TBCE: variants seen among roughly 807,000 people sequenced by gnomAD.
TBCE encodes the protein tubulin-specific chaperone E.
Under a neutral mutation model 77.0 loss-of-function variants are expected in TBCE, and 53 were observed. The observed-to-expected ratio is 0.69, with a 90% CI of 0.55 to 0.87. The LOEUF is 0.87. Among genes scored for constraint, TBCE ranks in the 40% least tolerant of loss-of-function variants. The pLI is 0.00. For synonymous variants in TBCE, 235 were observed against 241.3 expected (o/e 0.97, Z 0.24); for missense variants, 624 against 622.4 (o/e 1.00, Z -0.03).
Position 235,377,801 on chromosome 1 carries a change from C to T in TBCE, c.-31-2218C>T, listed in dbSNP as rs185697214. 6.8e-4 allele frequency among the ~76,000 whole-genome samples: 103 copies of T among 151,902 alleles called. 1 individual carries two copies. The highest frequency in any genetic ancestry group is 2.3e-3 in the African/African-American group (96 of 41,430). On this transcript the variant is annotated intron_variant, in intron 1 of 16. Coordinates refer to ENST00000642610, the MANE Select transcript of TBCE (RefSeq NM_003193.5). ...TGAGTAGCTGGGATTACAGGCATCGCGCCACCACGCCTGGCTAGTTTTTGT... is the reference window on the plus strand; with the variant it reads ...TGAGTAGCTGGGATTACAGGCATCGTGCCACCACGCCTGGCTAGTTTTTGT...
At chr1:235,370,740 C>CTTGTCTT in intron 1 of TBCE, among the ~76,000 whole-genome samples, 1 of 28,626 alleles carries the variant, frequency 3.5e-5, no homozygotes, top group African/African-American at 1.2e-4. Flanking sequence ...TCCTCCTTGT[C>CTTGTCTT]TTTTCTTTTT....
intron 5 of TBCE, among the ~76,000 whole-genome samples, chr1:235,421,146 T>C (rs1263052642): frequency 6.6e-6 from 1 of 152,228 alleles, no homozygotes; most frequent in Non-Finnish European, 1.5e-5. Flanking sequence ...TGGTGGCTCA[T>C]GCTGGTAATC....
chr1:235,441,454 A>G, intron 13 of TBCE: 1 of 282,316 alleles, frequency 3.5e-6, no homozygotes. Flanking sequence ...AAACATTTGA[A>G]GTATTTGAAG....
intron 3 of TBCE, among the ~76,000 whole-genome samples, chr1:235,404,497 G>C (rs1210896323): frequency 6.6e-6 from 1 of 152,192 alleles, no homozygotes; most frequent in Admixed American, 6.6e-5. Flanking sequence ...ACTGGAAGTT[G>C]CTCTGGGTAA....
chr1:235,428,985 A>ATTTTT (rs35190136), intron 6 of TBCE: 2 of 102,334 alleles, frequency 2.0e-5, no homozygotes, highest in Non-Finnish European at 3.6e-5. Context: ...ATATATATAT[A>ATTTTT]TTTTTTTTTT....
chr1:235,396,219 C>T (rs1393407990), intron 2 of TBCE, among the ~76,000 whole-genome samples: 1 of 152,006 alleles, frequency 6.6e-6, no homozygotes, highest in South Asian at 2.1e-4. Context: ...CCACCACGCC[C>T]GGCTAATTTT....
intron 7 of TBCE, chr1:235,433,923 C>T (rs1166818963): frequency 2.0e-6 from 1 of 499,384 alleles, no homozygotes; most frequent in Non-Finnish European, 3.6e-6. Flanking sequence ...TCTCCTGTTC[C>T]ACCTCGTAGC....
chr1:235,448,502 A>T, intron 16 of TBCE, 62 bp downstream of exon 16: 1 of 1,523,468 alleles, frequency 6.6e-7, no homozygotes, highest in South Asian at 1.1e-5. Context: ...ATGACATTAA[A>T]CTGTCTCTAG....
chr1:235,381,758 G>A (rs974143929), intron 2 of TBCE, among the ~76,000 whole-genome samples: 2 of 148,662 alleles, frequency 1.3e-5, no homozygotes, highest in African/African-American at 2.5e-5. Context: ...TGTATAAAGT[G>A]CAGCAAGAAT....
Position 235,370,252 on chromosome 1 carries a change from CT to C in TBCE, c.-32+2765del, listed in dbSNP as rs534933199. 6.2e-3 allele frequency among the ~76,000 whole-genome samples: 825 copies of C among 132,816 alleles called. 2 individuals carry two copies. Among genetic ancestry groups the C allele is most frequent in the African/African-American group, 8.5e-3 (302 of 35,612 alleles). The allele number at this position is 132,816 out of a possible 152,430, so 87.1% of individuals were successfully genotyped here. On this transcript the variant is annotated intron_variant, in intron 1 of 16. Transcript: ENST00000642610. ...TTTCTGTTTTGTTTACTGCTGTATTCTTTTTTTTTTTTTTTTTCTGAGACGG... is the reference window on the plus strand; with the variant it reads ...TTTCTGTTTTGTTTACTGCTGTATTCTTTTTTTTTTTTTTTTCTGAGACGG...
In TBCE at chr1:235,437,386, C is replaced by T; in HGVS notation, c.1028C>T (p.Pro343Leu). 1 of 1,614,106 alleles carries T rather than the reference C, an allele frequency of 6.2e-7. No homozygotes were observed. Among genetic ancestry groups the T allele is most frequent in the Non-Finnish European group, 8.5e-7 (1 of 1,180,016 alleles). Residue 343 changes from proline (P) to leucine (L), a missense_variant, in exon 12 of 17, where the codon CCC (proline) becomes CTC (leucine). Pro to Leu is a moderately conservative substitution (Grantham distance 98). Transcript: ENST00000642610. Reference protein sequence around the residue: ...SLRALSCLRNPLTKEDKEAET... With the variant: ...SLRALSCLRNLLTKEDKEAET... ...CGGGCTTTGTCCTGCCTAAGAAACC[C>T]CCTGACCAAAGAGGACAAAGAAGCA...
intron 2 of TBCE, among the ~76,000 whole-genome samples, chr1:235,396,746 T>G (rs1367987921): frequency 6.6e-6 from 1 of 152,198 alleles, no homozygotes; most frequent in Admixed American, 6.6e-5. Context: ...GTTGAGCACC[T>G]TTTCATGTAC....
At chr1:235,417,692 G>A (rs184331738) in intron 4 of TBCE, among the ~76,000 whole-genome samples, 55 of 152,252 alleles carry the variant, frequency 3.6e-4, no homozygotes, top group African/African-American at 9.9e-4. Flanking sequence ...GGACCGTGTG[G>A]CCTGAGAAAG....
At chr1:235,442,772 C>A in intron 14 of TBCE, 80 bp from the exon 15 acceptor site, 1 of 1,362,964 alleles carries the variant, frequency 7.3e-7, no homozygotes, top group Non-Finnish European at 1.0e-6. Flanking sequence ...TATCATTTGG[C>A]CATCTGTTGA....
chr1:235,403,018 C>A lies in TBCE; in HGVS notation c.185+1431C>A, dbSNP rs572257496. 3.9e-5 allele frequency among the ~76,000 whole-genome samples: 6 copies of A among 152,244 alleles called. No individual in the cohort carries two copies. The South Asian group carries it at 1.2e-3, about 32-fold the overall frequency. On this transcript the variant is annotated intron_variant, in intron 3 of 16. Transcript: ENST00000642610. ...AGAATTAGGTAACCACACAGCATATCTCCTGGTCCACTATTTCATAATTTT... is the reference window on the plus strand; with the variant it reads ...AGAATTAGGTAACCACACAGCATATATCCTGGTCCACTATTTCATAATTTT...
At chr1:235,440,430 T>A (rs984535947) in intron 13 of TBCE, among the ~76,000 whole-genome samples, 1 of 152,082 alleles carries the variant, frequency 6.6e-6, no homozygotes, top group Non-Finnish European at 1.5e-5. Context: ...TTCGCTCTTG[T>A]TGCCCAGACT....
chr1:235,418,804 A>G (rs894426158), intron 4 of TBCE, among the ~76,000 whole-genome samples: 3 of 152,242 alleles, frequency 2.0e-5, no homozygotes, highest in Admixed American at 2.0e-4. Context: ...TACCATTTAT[A>G]TCAAGTTTCA....
chr1:235,368,290 C>G (rs530869475), intron 1 of TBCE, among the ~76,000 whole-genome samples: 81 of 152,218 alleles, frequency 5.3e-4, no homozygotes, highest in African/African-American at 1.8e-3. Context: ...GTGTGACAGC[C>G]TTATCCTCAG....
At chr1:235,413,191 T>TA (rs1223670377) in intron 3 of TBCE, among the ~76,000 whole-genome samples, 2 of 152,026 alleles carry the variant, frequency 1.3e-5, no homozygotes, top group African/African-American at 2.4e-5. Flanking sequence ...TGTTGTCTCT[T>TA]AAAAAAAGTA....
Sources: gnomAD v4.1 joint callset for allele counts (sites outside exome capture counted in the v4.1 genomes callset) on GRCh38, gnomAD v4.1.1 for gene constraint, MANE v1.5 for transcripts, NCBI Gene and HGNC (gene_info 2026-07-23, HGNC 2026-07-21) for gene names.